Variants in MAST4 observed in about 807,000 individuals in gnomAD.
The protein encoded by MAST4 is microtubule associated serine/threonine kinase family member 4, also known as microtubule-associated serine/threonine-protein kinase 4.
MAST4 carries 89 observed loss-of-function variants against 162.7 expected under a neutral mutation model. The observed-to-expected ratio is 0.55, with a 90% CI of 0.46 to 0.65. The LOEUF is 0.65. Ranked by LOEUF, MAST4 falls within the 30% of genes least tolerant of loss-of-function variation. The pLI is 0.00. For synonymous variants in MAST4, 1,479 were observed against 1,361.1 expected (o/e 1.09, Z -1.91); for missense variants, 3,153 against 3,374.0 (o/e 0.93, Z 1.62).
At chr5:66,633,791 AT>A (rs1744933022) in intron 1 of MAST4, among the ~76,000 whole-genome samples, 1 of 152,092 alleles carries the variant, frequency 6.6e-6, no homozygotes, top group African/African-American at 2.4e-5. Flanking sequence ...ATATGCTAAA[AT>A]TTGTTGCTGG....
chr5:66,682,291 C>A (rs1748382479), intron 1 of MAST4, among the ~76,000 whole-genome samples: 1 of 152,200 alleles, frequency 6.6e-6, no homozygotes, highest in South Asian at 2.1e-4. Flanking sequence ...TTAATATCAT[C>A]AGCATTTTCA....
intron 5 of MAST4, among the ~76,000 whole-genome samples, chr5:67,056,899 C>T (rs972123189): frequency 1.2e-4 from 18 of 151,614 alleles, no homozygotes; most frequent in African/African-American, 2.7e-4. Flanking sequence ...GAGAAGGTTT[C>T]GCCCTGTTGG....
chr5:67,011,885 G>A (rs1019101508), intron 4 of MAST4, among the ~76,000 whole-genome samples: 2 of 152,196 alleles, frequency 1.3e-5, no homozygotes, highest in South Asian at 4.1e-4. Flanking sequence ...AGAGAAGGGA[G>A]AGAGAAATGT....
At chr5:67,134,880 G>T (rs988661258) in intron 18 of MAST4, among the ~76,000 whole-genome samples, 192 bp downstream of exon 18, 1 of 152,164 alleles carries the variant, frequency 6.6e-6, no homozygotes, top group Non-Finnish European at 1.5e-5. Flanking sequence ...GTTGAAAATT[G>T]ATCTGAAGAA....
At chr5:67,051,770 C>T (rs532442012) in intron 4 of MAST4, among the ~76,000 whole-genome samples, 3 of 152,202 alleles carry the variant, frequency 2.0e-5, no homozygotes, top group East Asian at 3.9e-4. Context: ...ATTTTAGCAA[C>T]AAATTCATTC....
At chr5:66,879,198 G>A (rs1206146883) in intron 3 of MAST4, among the ~76,000 whole-genome samples, 8 of 152,086 alleles carry the variant, frequency 5.3e-5, no homozygotes, top group African/African-American at 1.7e-4. Context: ...AGAATGGCGT[G>A]GACCCGGGAG....
At chr5:66,674,506 G>A (rs1053181519) in intron 1 of MAST4, among the ~76,000 whole-genome samples, 4 of 152,196 alleles carry the variant, frequency 2.6e-5, no homozygotes, top group African/African-American at 9.6e-5. Flanking sequence ...TGGAAACGGT[G>A]GGAACAAGCC....
intron 4 of MAST4, among the ~76,000 whole-genome samples, chr5:66,938,654 C>A (rs2150095259): frequency 6.6e-6 from 1 of 152,306 alleles, no homozygotes; most frequent in Non-Finnish European, 1.5e-5. Flanking sequence ...TCAGCCATGA[C>A]TGCACTAAGG....
rs1315644748 is a variant in MAST4, at chr5:67,110,092, T to A, written c.1357-6T>A. 6.2e-7 allele frequency: 1 copy of A among 1,607,932 alleles called. No homozygotes were observed. Among genetic ancestry groups the A allele is most frequent in the Non-Finnish European group, 8.5e-7 (1 of 1,174,420 alleles). ...CATCATCACTCTCTTTATTGCTTTT[T>A]CATAGGCTCATGATCGTTCAGAAAG... On this transcript the variant is annotated splice_polypyrimidine_tract_variant and splice_region_variant and intron_variant, in intron 10 of 28. Coordinates refer to ENST00000403625, the MANE Select transcript of MAST4 (RefSeq NM_001164664.2).
At chr5:66,881,366 C>G (rs1214832448) in intron 3 of MAST4, among the ~76,000 whole-genome samples, 1 of 152,146 alleles carries the variant, frequency 6.6e-6, no homozygotes, top group Non-Finnish European at 1.5e-5. Context: ...ATTTCAGCTG[C>G]TGGAATTTCT....
At chr5:67,107,633 C>A (rs1258492204) in intron 10 of MAST4, among the ~76,000 whole-genome samples, 1 of 152,194 alleles carries the variant, frequency 6.6e-6, no homozygotes, top group East Asian at 1.9e-4. Context: ...TTGTCAGTTC[C>A]CAACTGTGAC....
At chr5:66,688,040 T>C (rs1026821311) in intron 1 of MAST4, among the ~76,000 whole-genome samples, 3 of 152,216 alleles carry the variant, frequency 2.0e-5, no homozygotes, top group Admixed American at 6.5e-5. Flanking sequence ...TGAAAATTGT[T>C]GAGCATGTTC....
At chr5:66,828,601 C>T (rs1757387334) in intron 3 of MAST4, among the ~76,000 whole-genome samples, 1 of 152,184 alleles carries the variant, frequency 6.6e-6, no homozygotes, top group Admixed American at 6.5e-5. Flanking sequence ...CCTCCTCCAC[C>T]TGGATAAATG....
intron 15 of MAST4, among the ~76,000 whole-genome samples, chr5:67,131,196 C>T (rs1415984798): frequency 6.6e-6 from 1 of 152,020 alleles, no homozygotes; most frequent in African/African-American, 2.4e-5. Flanking sequence ...CGTAGCTTGC[C>T]TTATTTTCAC....
At position 67,014,522 on chromosome 5, in the gene MAST4, C is replaced by T. The variant is rs116835797; in HGVS notation, c.675-39882C>T. On this transcript the variant is annotated intron_variant, in intron 4 of 28. Transcript: ENST00000403625. ...GATGTCTGGGGTTACGTATTTGAAC[C>T]GTGGAATAAAAGTTGCCGTATTTTT... Among the ~76,000 whole-genome samples, 1,208 of 152,208 alleles carry T rather than the reference C, an allele frequency of 7.9e-3. 13 individuals are homozygous for T. The highest frequency in any genetic ancestry group is 0.027 in the African/African-American group (1,119 of 41,516).
chr5:67,041,077 A>T (rs796891688), intron 4 of MAST4, among the ~76,000 whole-genome samples: 1 of 152,176 alleles, frequency 6.6e-6, no homozygotes, highest in South Asian at 2.1e-4. Flanking sequence ...TATTATTATT[A>T]TTTTTAATCA....
At position 66,771,977 on chromosome 5, in the gene MAST4, A is replaced by G. The variant is rs114173071; in HGVS notation, c.517+12115A>G. On this transcript the variant is annotated intron_variant, in intron 2 of 28. Coordinates refer to ENST00000403625, the MANE Select transcript of MAST4 (RefSeq NM_001164664.2). ...TAGGTTCTGAAAAGCACACTGATCC[A>G]TGCTCATCTTCTCAGTTCCTTATAT... is the stretch of plus-strand genomic sequence containing the variant. Among the ~76,000 whole-genome samples, 478 of 152,282 alleles carry G rather than the reference A, an allele frequency of 3.1e-3. 5 individuals are homozygous for G. The highest frequency in any genetic ancestry group is 0.011 in the African/African-American group (464 of 41,564).
At chr5:66,682,753 C>A (rs1377049704) in intron 1 of MAST4, among the ~76,000 whole-genome samples, 2 of 151,794 alleles carry the variant, frequency 1.3e-5, no homozygotes, top group African/African-American at 4.8e-5. Context: ...CATTTTTTTT[C>A]CCCTTAAGAA....
At chr5:66,774,896 C>T (rs1276397266) in intron 2 of MAST4, among the ~76,000 whole-genome samples, 1 of 151,918 alleles carries the variant, frequency 6.6e-6, no homozygotes, top group Non-Finnish European at 1.5e-5. Context: ...GGTTATGTGC[C>T]TAGGCGTTAT....
Sources: allele counts gnomAD v4.1 joint callset (sites outside exome capture counted in the v4.1 genomes callset), GRCh38; gene constraint gnomAD v4.1.1; transcripts MANE v1.5; gene names NCBI Gene and HGNC (gene_info 2026-07-23, HGNC 2026-07-21).